CCDC91: variants seen among roughly 807,000 people sequenced by gnomAD.
CCDC91 encodes the protein coiled-coil domain containing 91, also known as coiled-coil domain-containing protein 91.
A neutral mutation model predicts 63.2 loss-of-function variants in CCDC91; 48 were observed. The ratio of observed to expected loss-of-function variants is 0.76; its 90% CI spans 0.60 to 0.97. The LOEUF is 0.97. CCDC91 is among the 50% of genes least tolerant of loss of function. The pLI is 0.00. For missense variants in CCDC91, 500 were observed against 494.6 expected (o/e 1.01, Z -0.10); for synonymous variants, 167 against 165.8 (o/e 1.01, Z -0.06).
chr12:28,519,646 TGC>T (rs1409653378), intron 12 of CCDC91, among the ~76,000 whole-genome samples: 1 of 151,876 alleles, frequency 6.6e-6, no homozygotes, highest in African/African-American at 2.4e-5. Flanking sequence ...TGTATACATG[TGC>T]CATGTTGGTG....
rs548133829 is a variant in CCDC91 at position 28,374,967 on chromosome 12, C to T, written c.654+12452C>T. ...ATATAATAATTTATAGACCTTTATT[C>T]TTTGATTTCCTGAAGGAATGTTACA... is the stretch of plus-strand genomic sequence containing the variant. On this transcript the variant is annotated intron_variant, in intron 7 of 12. Coordinates refer to ENST00000536442, the MANE Select transcript of CCDC91 (RefSeq NM_018318.5). 2.0e-5 allele frequency among the ~76,000 whole-genome samples: 3 copies of T among 152,074 alleles called. No homozygotes were observed. The South Asian group carries it at 6.2e-4, about 32-fold the overall frequency.
At chr12:28,458,923 A>T (rs1427656930) in intron 11 of CCDC91, among the ~76,000 whole-genome samples, 1 of 152,060 alleles carries the variant, frequency 6.6e-6, no homozygotes, top group Non-Finnish European at 1.5e-5. Flanking sequence ...CCCACTTTAA[A>T]TTCTTCCAGT....
At chr12:28,519,345 G>A (rs1940323992) in intron 12 of CCDC91, among the ~76,000 whole-genome samples, 2 of 151,706 alleles carry the variant, frequency 1.3e-5, no homozygotes, top group African/African-American at 4.8e-5. Flanking sequence ...AAGGGGTTGA[G>A]TACGTGATTT....
intron 11 of CCDC91, among the ~76,000 whole-genome samples, chr12:28,460,876 C>T (rs1488240630): frequency 3.3e-5 from 5 of 151,752 alleles, no homozygotes; most frequent in Admixed American, 3.3e-4. Context: ...AAATTTTTAG[C>T]TCACTGCTGT....
intron 3 of CCDC91, among the ~76,000 whole-genome samples, chr12:28,293,608 A>G (rs1949374022): frequency 6.6e-6 from 1 of 152,240 alleles, no homozygotes; most frequent in Non-Finnish European, 1.5e-5. Flanking sequence ...GGTATCAATT[A>G]AATATATACT....
chr12:28,400,269 G>A (rs1257391671), intron 8 of CCDC91, among the ~76,000 whole-genome samples: 2 of 152,154 alleles, frequency 1.3e-5, no homozygotes, highest in African/African-American at 4.8e-5. Context: ...TGAGCTGTAC[G>A]TTGGCCCCTT....
intron 6 of CCDC91, among the ~76,000 whole-genome samples, chr12:28,314,179 T>G (rs532760744): frequency 0.042 from 155 of 3,682 alleles, no homozygotes; most frequent in African/African-American, 0.13. Context: ...GCTTGAAAAT[T>G]TAATTAAAAA....
At chr12:28,275,834 C>T (rs541424383) in intron 3 of CCDC91, among the ~76,000 whole-genome samples, 116 of 152,144 alleles carry the variant, frequency 7.6e-4, no homozygotes, top group Admixed American at 1.8e-3. Flanking sequence ...AATCAATAAA[C>T]GTAATCCAGC....
chr12:28,291,467 A>G (rs1949245469), intron 3 of CCDC91, among the ~76,000 whole-genome samples: 1 of 152,158 alleles, frequency 6.6e-6, no homozygotes, highest in African/African-American at 2.4e-5. Context: ...TGATTTGCCA[A>G]GCATACTTCT....
intron 8 of CCDC91, among the ~76,000 whole-genome samples, chr12:28,421,516 A>C (rs1313658664): frequency 6.7e-6 from 1 of 148,734 alleles, no homozygotes; most frequent in African/African-American, 2.5e-5. Flanking sequence ...GGCTCCATCC[A>C]TGCTGCAGCA....
chr12:28,369,707 C>A (rs1269566051), intron 7 of CCDC91, among the ~76,000 whole-genome samples: 1 of 152,228 alleles, frequency 6.6e-6, no homozygotes, highest in African/African-American at 2.4e-5. Context: ...TCTGCCTCGA[C>A]ATCCAGGCAT....
intron 1 of CCDC91, among the ~76,000 whole-genome samples, chr12:28,244,535 A>G (rs1224235608): frequency 1.4e-4 from 11 of 78,538 alleles, no homozygotes; most frequent in Non-Finnish European, 2.0e-4. Flanking sequence ...TTACAGCTCT[A>G]CTCTTTTCAG....
At chr12:28,428,389 G>C (rs1948442408) in intron 8 of CCDC91, among the ~76,000 whole-genome samples, 1 of 151,796 alleles carries the variant, frequency 6.6e-6, no homozygotes, top group Admixed American at 6.6e-5. Context: ...TGACCGACAA[G>C]GAGAAACACC....
At chr12:28,258,411 A>G (rs1357076151) in intron 2 of CCDC91, among the ~76,000 whole-genome samples, 1 of 152,026 alleles carries the variant, frequency 6.6e-6, no homozygotes, top group East Asian at 1.9e-4. Flanking sequence ...TATTTAGGAA[A>G]AAAATACAGT....
At chr12:28,513,241 C>T (rs1466545047) in intron 12 of CCDC91, among the ~76,000 whole-genome samples, 5 of 151,882 alleles carry the variant, frequency 3.3e-5, no homozygotes, top group African/African-American at 1.2e-4. Context: ...TATTTCTCAG[C>T]AGGAAATATC....
At position 28,544,642 on chromosome 12, in the gene CCDC91, A is replaced by G. The variant is rs75594060; in HGVS notation, c.1216-4421A>G. ...CACACATACACATACACACATATATATATTTCAAAACAATGAATTATATCT... is the reference window on the plus strand; with the variant it reads ...CACACATACACATACACACATATATGTATTTCAAAACAATGAATTATATCT... On this transcript the variant is annotated intron_variant, in intron 12 of 12. Coordinates refer to ENST00000536442, the MANE Select transcript of CCDC91 (RefSeq NM_018318.5). 9.4e-3 allele frequency among the ~76,000 whole-genome samples: 1,429 copies of G among 152,114 alleles called. 28 individuals are homozygous for G. Among genetic ancestry groups the G allele is most frequent in the African/African-American group, 0.033 (1,389 of 41,522 alleles).
chr12:28,213,793 CTGGTCTTAAGA>C (rs371640566), intron 1 of CCDC91, among the ~76,000 whole-genome samples: 9 of 152,278 alleles, frequency 5.9e-5, no homozygotes, highest in African/African-American at 2.2e-4. Context: ...ATGGAATTGA[CTGGTCTTAAGA>C]TGGTCTCTAC....
chr12:28,223,087 A>G (rs1944052434), intron 1 of CCDC91, among the ~76,000 whole-genome samples: 1 of 152,134 alleles, frequency 6.6e-6, no homozygotes, highest in Admixed American at 6.6e-5. Context: ...CATAAAACCA[A>G]AGTAGAGGGG....
At chr12:28,194,294 T>A (rs1192153462) in intron 1 of CCDC91, among the ~76,000 whole-genome samples, 1 of 152,190 alleles carries the variant, frequency 6.6e-6, no homozygotes, top group African/African-American at 2.4e-5. Context: ...TGCCCCAGTC[T>A]TGCAGCACCA....
Sources: gnomAD v4.1 joint callset for allele counts (sites outside exome capture counted in the v4.1 genomes callset) on GRCh38, gnomAD v4.1.1 for gene constraint, MANE v1.5 for transcripts, NCBI Gene and HGNC (gene_info 2026-07-23, HGNC 2026-07-21) for gene names.